The following SEC14L3 variants were observed in gnomAD, a reference collection of about 807,000 sequenced individuals.
SEC14L3 encodes SEC14 like lipid binding 3.
In SEC14L3, 56 loss-of-function variants were observed where a neutral mutation model predicts 57.4. The ratio of observed to expected loss-of-function variants is 0.97; its 90% CI spans 0.79 to 1.22. The LOEUF (loss-of-function observed/expected upper bound fraction) is 1.22. Ranked by LOEUF, SEC14L3 falls within the 50% of genes most tolerant of loss-of-function variation. The pLI, the probability that SEC14L3 is intolerant of heterozygous loss-of-function variation, is 0.00. For synonymous variants in SEC14L3, 173 were observed against 194.4 expected (o/e 0.89, Z 0.92); for missense variants, 485 against 511.7 (o/e 0.95, Z 0.50).
chr22:30,455,236 T>A, downstream of SEC14L3, among the ~76,000 whole-genome samples: 1 of 126,894 alleles, frequency 7.9e-6, no homozygotes, highest in Non-Finnish European at 1.6e-5. Flanking sequence ...ATATATAATA[T>A]TTAATATATT....
downstream of SEC14L3, among the ~76,000 whole-genome samples, chr22:30,456,586 G>A (rs567629201): frequency 3.3e-5 from 5 of 152,088 alleles, no homozygotes; most frequent in South Asian, 8.3e-4. Context: ...TCATTATGGC[G>A]GGCAGGCACC....
At chr22:30,454,436 T>C (rs1011302588), downstream of SEC14L3, among the ~76,000 whole-genome samples, 4 of 149,778 alleles carry the variant, frequency 2.7e-5, no homozygotes, top group African/African-American at 7.4e-5. Flanking sequence ...AGTGGCCCCT[T>C]CAGAAGACAA....
chr22:30,465,192 C>A (rs896826592), intron 7 of SEC14L3, among the ~76,000 whole-genome samples: 1 of 152,194 alleles, frequency 6.6e-6, no homozygotes, highest in African/African-American at 2.4e-5. Context: ...ACCAATAAAC[C>A]AGCCAACCTA....
rs139189992 is a variant in SEC14L3 at position 30,461,421 on chromosome 22, T to C, written c.970A>G (p.Met324Val). The C allele has an allele frequency of 5.6e-6, 9 of 1,614,012 alleles. No individual in the cohort carries two copies. The African/African-American group carries it at 1.2e-4, about 22-fold the overall frequency. The part of the protein sequence containing the change: ...IGFGVFLKTK[M>V]GERQRAGEMT... Reference sequence around the variant, plus strand: ...TCCCCTGCCCGCTGTCGCTCCCCCATCTTGGTCTTCAGGAAAACTCCGAAG... The same window carrying C: ...TCCCCTGCCCGCTGTCGCTCCCCCACCTTGGTCTTCAGGAAAACTCCGAAG... The change falls in exon 11 of 12, where the codon ATG becomes GTG. Residue 324 changes from methionine to valine, a missense_variant. By Grantham distance (21) the Met-to-Val change is conservative (BLOSUM62 1). Transcript: ENST00000215812.
intron 5 of SEC14L3, among the ~76,000 whole-genome samples, chr22:30,467,481 G>A (rs1935458796): frequency 6.6e-6 from 1 of 152,136 alleles, no homozygotes. Context: ...GTAATGAATA[G>A]TGCCTAATAA....
chr22:30,449,765 A>C (rs974931346), intron 12 of SEC14L3, among the ~76,000 whole-genome samples: 1 of 152,060 alleles, frequency 6.6e-6, no homozygotes, highest in Admixed American at 6.6e-5. Flanking sequence ...GGGTTTCACC[A>C]TGTTGGCCAG....
exon 13 of SEC14L3, chr22:30,448,238 C>T (rs1053878111): frequency 3.3e-5 from 5 of 152,188 alleles, no homozygotes; most frequent in Non-Finnish European, 7.3e-5. Context: ...TGCTGGGTGC[C>T]CTCTGACAGC....
At chr22:30,470,647 A>G (rs1233200670) in intron 1 of SEC14L3, 65 bp from the exon 2 acceptor site, 1 of 1,609,124 alleles carries the variant, frequency 6.2e-7, no homozygotes, top group African/African-American at 1.3e-5. Context: ...AGACTCAAAG[A>G]CTGTTTTCAC....
At chr22:30,455,238 T>A (rs1935100757), downstream of SEC14L3, among the ~76,000 whole-genome samples, 1 of 128,314 alleles carries the variant, frequency 7.8e-6, no homozygotes, top group South Asian at 2.2e-4. Context: ...ATATAATATT[T>A]AATATATTAT....
downstream of SEC14L3, among the ~76,000 whole-genome samples, chr22:30,458,277 T>C (rs536709067): frequency 1.3e-5 from 2 of 152,332 alleles, no homozygotes; most frequent in East Asian, 3.9e-4. Context: ...CCCAGGGTCA[T>C]GGTGAGCGTC....
At chr22:30,449,465 C>G (rs1934937919) in intron 12 of SEC14L3, among the ~76,000 whole-genome samples, 1 of 152,096 alleles carries the variant, frequency 6.6e-6, no homozygotes, top group Non-Finnish European at 1.5e-5. Flanking sequence ...TCCACAGAAC[C>G]CTACTTGTCT....
downstream of SEC14L3, among the ~76,000 whole-genome samples, chr22:30,455,080 T>TAA (rs1569225567): frequency 9.0e-3 from 711 of 79,336 alleles, 8 homozygotes; most frequent in African/African-American, 0.036. Context: ...ATATAATATA[T>TAA]TAAATATTTA....
Position 30,471,905 on chromosome 22 carries a change from C to T in SEC14L3, c.54G>A (p.Lys18=), listed in dbSNP as rs1935625095. 4 of 1,613,246 alleles carry T rather than the reference C, an allele frequency of 2.5e-6. No homozygotes were observed. The highest frequency in any genetic ancestry group is 8.5e-7 in the Non-Finnish European group (1 of 1,179,608). ...LSPKQAETLA[K]FRENVQDVLP... ...GAACTCCAGGGGGAGGGGCTCTCAC[C>T]TTGGCCAGGGTCTCTGCCTGTTTGG... Residue 18 remains lysine, a splice_region_variant and synonymous_variant, in exon 1 of 12, where the codon AAG becomes AAA. Coordinates refer to ENST00000215812, the MANE Select transcript of SEC14L3 (RefSeq NM_174975.5).
chr22:30,453,973 C>G (rs761609204), intron 12 of SEC14L3, among the ~76,000 whole-genome samples: 37 of 152,198 alleles, frequency 2.4e-4, no homozygotes, highest in Non-Finnish European at 4.3e-4. Flanking sequence ...CCCCCAACTG[C>G]TGTCCAGGTT....
At chr22:30,452,886 T>C (rs1337735590) in intron 12 of SEC14L3, among the ~76,000 whole-genome samples, 1 of 151,998 alleles carries the variant, frequency 6.6e-6, no homozygotes, top group Non-Finnish European at 1.5e-5. Context: ...GCTAATTTTT[T>C]TGTTGTTTTT....
In SEC14L3 at chr22:30,471,830, G is replaced by A; in HGVS notation, c.54+75C>T. 3.1e-6 allele frequency: 5 copies of A among 1,592,400 alleles called. No individual in the cohort carries two copies. In the South Asian group the frequency reaches 5.5e-5, roughly 18 times the overall value. On this transcript the variant is annotated intron_variant, in intron 1 of 11. Transcript: ENST00000215812. ...ATGCTGAATCAACTGAGTGGGGCAG[G>A]ATTCCAGCCACTTCTTTCCACCCCC...
chr22:30,450,449 C>T (rs780684493), intron 12 of SEC14L3, among the ~76,000 whole-genome samples: 4 of 152,042 alleles, frequency 2.6e-5, no homozygotes, highest in Non-Finnish European at 4.4e-5. Context: ...ATTACAAGTG[C>T]GTGCCACCTT....
intron 12 of SEC14L3, among the ~76,000 whole-genome samples, chr22:30,451,866 C>A (rs117801555): frequency 0.09 from 13,716 of 151,590 alleles, 782 homozygotes; most frequent in Middle Eastern, 0.15. Context: ...GGGACGTGCA[C>A]CTGTAGTCCC....
chr22:30,471,207 C>T (rs1453943087), intron 1 of SEC14L3: 1 of 428,046 alleles, frequency 2.3e-6, no homozygotes. Context: ...ATTGCTTGAA[C>T]CTGGGAGACA....
Sources: gnomAD v4.1 joint callset for allele counts (sites outside exome capture counted in the v4.1 genomes callset) on GRCh38, gnomAD v4.1.1 for gene constraint, MANE v1.5 for transcripts, NCBI Gene and HGNC (gene_info 2026-07-23, HGNC 2026-07-21) for gene names.